Variants in OR2T6 observed in about 807,000 individuals in gnomAD.
OR2T6 encodes the protein olfactory receptor family 2 subfamily T member 6.
For synonymous variants in OR2T6, 174 were observed against 148.0 expected, an observed-to-expected ratio of 1.18 and a Z score of -1.27; for missense variants, 424 against 391.6, an observed-to-expected ratio of 1.08 and a Z score of -0.70.
chr1:248,391,089 T>G lies in OR2T6; in HGVS notation c.*2554T>G, dbSNP rs376886373. ...CACTTTGGAATACAGTTTGACAGTT[T>G]CTTACAATATTGAACATAATCTTAT... On this transcript the variant is annotated 3_prime_UTR_variant, in exon 3 of 3. Coordinates refer to ENST00000641644, the MANE Select transcript of OR2T6 (RefSeq NM_001005471.2). The G allele has an allele frequency of 2.0e-4, 31 of 152,322 alleles. No individual in the cohort carries two copies. In the East Asian group the frequency reaches 3.7e-3, roughly 18 times the overall value. The allele number at this position is 152,322 out of a possible 1,614,324, so 9.4% of individuals were successfully genotyped here.
At chr1:248,379,084 A>G (rs977718855) in intron 1 of OR2T6, among the ~76,000 whole-genome samples, 1 of 152,302 alleles carries the variant, frequency 6.6e-6, no homozygotes, top group African/African-American at 2.4e-5. Context: ...CTGAGGTAGG[A>G]CAATTGCTTG....
At chr1:248,379,859 T>TC (rs113348286) in intron 1 of OR2T6, among the ~76,000 whole-genome samples, 4 of 128,306 alleles carry the variant, frequency 3.1e-5, no homozygotes, top group Admixed American at 2.1e-4. Context: ...TGGTATTTTC[T>TC]TTTTTTTGAT....
At chr1:248,386,808 C>G (rs1483719545) in intron 2 of OR2T6, among the ~76,000 whole-genome samples, 1 of 152,210 alleles carries the variant, frequency 6.6e-6, no homozygotes, top group Non-Finnish European at 1.5e-5. Context: ...TAAATCTTCA[C>G]ATGAATTTTC....
At chr1:248,385,635 C>A (rs577920079) in intron 2 of OR2T6, among the ~76,000 whole-genome samples, 10 of 152,302 alleles carry the variant, frequency 6.6e-5, no homozygotes, top group African/African-American at 2.4e-4. Context: ...AATGCACAAG[C>A]CTGCAGCCCT....
At position 248,386,852 on chromosome 1, in the gene OR2T6, G is replaced by A. The variant is rs570500971; in HGVS notation, c.-4-753G>A. 4.3e-4 allele frequency among the ~76,000 whole-genome samples: 65 copies of A among 152,216 alleles called. 2 individuals carry two copies. In the South Asian group the frequency reaches 0.013, roughly 30 times the overall value. ...TTCATTGTCTGTGTTGAAGTTTTCC[G>A]CAAAGCCCTTATTTGCATTACCTGG... On this transcript the variant is annotated intron_variant, in intron 2 of 2. Coordinates refer to ENST00000641644, the MANE Select transcript of OR2T6 (RefSeq NM_001005471.2).
At chr1:248,378,101 T>A (rs1430433251) in intron 1 of OR2T6, among the ~76,000 whole-genome samples, 1 of 152,182 alleles carries the variant, frequency 6.6e-6, no homozygotes, top group Non-Finnish European at 1.5e-5. Context: ...TTTAATGTCT[T>A]CATATATTAT....
Position 248,381,533 on chromosome 1 carries a change from C to A in OR2T6, c.-158-3178C>A, listed in dbSNP as rs77474950. On this transcript the variant is annotated intron_variant, in intron 1 of 2. Transcript: ENST00000641644. ...TTCTGGTACTTCTTAATTTTACATT[C>A]TATTTAAATAGAATTTGTTTTGCAT... Among the ~76,000 whole-genome samples, 122 of 152,036 alleles carry A rather than the reference C, an allele frequency of 8.0e-4. 1 individual carries two copies. The highest frequency in any genetic ancestry group is 2.9e-3 in the African/African-American group (119 of 41,496).
rs1661240704 is a variant in OR2T6, at chr1:248,390,975, A to C, written c.*2440A>C. ...TAGTCATTATTTCAGCTATTCTTTG[A>C]AAAGATGATTGACTTTTATATTCAG... On this transcript the variant is annotated 3_prime_UTR_variant, in exon 3 of 3. Coordinates refer to ENST00000641644, the MANE Select transcript of OR2T6 (RefSeq NM_001005471.2). 2.0e-5 allele frequency: 3 copies of C among 152,204 alleles called. No homozygotes were observed. The highest frequency in any genetic ancestry group is 4.1e-4 in the South Asian group (2 of 4,830). The allele number at this position is 152,204 out of a possible 1,614,324, so 9.4% of individuals were successfully genotyped here.
chr1:248,388,861 A>C lies in OR2T6; in HGVS notation c.*326A>C, dbSNP rs1572872255. ...CCCCAAAATGTTGAGTTAATATTAC[A>C]TATTCTGCCCATTTTCAATGGCTCC... On this transcript the variant is annotated 3_prime_UTR_variant, in exon 3 of 3. Coordinates refer to ENST00000641644, the MANE Select transcript of OR2T6 (RefSeq NM_001005471.2). 1 of 306,798 alleles carries C rather than the reference A, an allele frequency of 3.3e-6. No individual in the cohort carries two copies. Among genetic ancestry groups the C allele is most frequent in the Non-Finnish European group, 6.0e-6 (1 of 167,202 alleles). 19.0% of individuals were successfully genotyped at this position (306,798 alleles called of 1,614,324 possible). A position where few individuals can be genotyped will look rare whatever the true frequency, so the allele number is the denominator to read the frequency against.
chr1:248,378,223 T>G (rs1209210052), intron 1 of OR2T6, among the ~76,000 whole-genome samples: 4 of 152,222 alleles, frequency 2.6e-5, no homozygotes, highest in Non-Finnish European at 5.9e-5. Context: ...GGTTTCAATT[T>G]GTACTTACAC....
In OR2T6 at chr1:248,388,801, A is replaced by T. The variant is rs574259531; in HGVS notation, c.*266A>T. On this transcript the variant is annotated 3_prime_UTR_variant, in exon 3 of 3. Coordinates refer to ENST00000641644, the MANE Select transcript of OR2T6 (RefSeq NM_001005471.2). ...CTACTGATTCCAAGTCTTCTCTCAT[A>T]TCACTTCTCTGATTGCAGTTTGTGT... 1 of 412,430 alleles carries T rather than the reference A, an allele frequency of 2.4e-6. No individual in the cohort carries two copies. Among genetic ancestry groups the T allele is most frequent in the South Asian group, 1.0e-4 (1 of 10,018 alleles). 25.5% of individuals were successfully genotyped at this position (412,430 alleles called of 1,614,324 possible). A position where few individuals can be genotyped will look rare whatever the true frequency, so the allele number is the denominator to read the frequency against.
intron 1 of OR2T6, among the ~76,000 whole-genome samples, chr1:248,384,247 C>T (rs78702062): frequency 0.027 from 1,067 of 38,870 alleles, 10 homozygotes; most frequent in Non-Finnish European, 0.049. Flanking sequence ...TCATCCTCTC[C>T]TGAAGTGTTT....
intron 1 of OR2T6, among the ~76,000 whole-genome samples, chr1:248,379,516 T>C (rs1660997383): frequency 6.6e-6 from 1 of 152,068 alleles, no homozygotes; most frequent in African/African-American, 2.4e-5. Flanking sequence ...ACCAAGAATC[T>C]TTGAAGGGGG....
At position 248,388,624 on chromosome 1, in the gene OR2T6, C is replaced by A; in HGVS notation, c.*89C>A. ...ATATATGGGGTCGTATCATGGATACCACGGATGATGCTGACAGGAACTTTC... is the reference window on the plus strand; with the variant it reads ...ATATATGGGGTCGTATCATGGATACAACGGATGATGCTGACAGGAACTTTC... On this transcript the variant is annotated 3_prime_UTR_variant, in exon 3 of 3. Coordinates refer to ENST00000641644, the MANE Select transcript of OR2T6 (RefSeq NM_001005471.2). 1.0e-6 allele frequency: 1 copy of A among 973,670 alleles called. No homozygotes were observed. The highest frequency in any genetic ancestry group is 2.3e-4 in the Middle Eastern group (1 of 4,436). 60.3% of individuals were successfully genotyped at this position (973,670 alleles called of 1,614,324 possible). A position where few individuals can be genotyped will look rare whatever the true frequency, so the allele number is the denominator to read the frequency against.
chr1:248,381,772 G>T (rs181021377), intron 1 of OR2T6, among the ~76,000 whole-genome samples: 10 of 151,712 alleles, frequency 6.6e-5, no homozygotes, highest in Admixed American at 5.2e-4. Flanking sequence ...TGAATTCAAC[G>T]TTTACTGTTA....
chr1:248,380,031 A>G (rs1661005057), intron 1 of OR2T6, among the ~76,000 whole-genome samples: 1 of 151,964 alleles, frequency 6.6e-6, no homozygotes, highest in African/African-American at 2.4e-5. Flanking sequence ...ATGTGTGTGT[A>G]TGCATTATAT....
In OR2T6 at chr1:248,388,024, G is replaced by T. The variant is rs376407108; in HGVS notation, c.416G>T (p.Arg139Leu). 3 of 1,613,478 alleles carry T rather than the reference G, an allele frequency of 1.9e-6. No homozygotes were observed. The highest frequency in any genetic ancestry group is 3.3e-4 in the Middle Eastern group (2 of 6,076). The change falls in exon 3 of 3, where the codon CGG (arginine) becomes CTG (leucine). Residue 139 changes from arginine (R) to leucine (L), a missense_variant. Coordinates refer to ENST00000641644, the MANE Select transcript of OR2T6 (RefSeq NM_001005471.2). ...CGCTATCCTGTCCTCATCAGCTGGCGGGTCTGCTGGATGATCCTGGCCAGC... is the reference window on the plus strand; with the variant it reads ...CGCTATCCTGTCCTCATCAGCTGGCTGGTCTGCTGGATGATCCTGGCCAGC... ...PLRYPVLISW[R>L]VCWMILASSW...
chr1:248,384,378 C>A (rs1661096498), intron 1 of OR2T6, among the ~76,000 whole-genome samples: 1 of 102,872 alleles, frequency 9.7e-6, no homozygotes, highest in South Asian at 3.8e-4. Flanking sequence ...TGTGCTCATC[C>A]TATCCTGGTG....
rs76240473 is a variant in OR2T6 at position 248,384,047 on chromosome 1, A to T, written c.-158-664A>T. Among the ~76,000 whole-genome samples the T allele has an allele frequency of 9.5e-3, 296 of 31,234 alleles. 4 individuals are homozygous for T. Among genetic ancestry groups the T allele is most frequent in the Admixed American group, 0.019 (57 of 3,048 alleles). 20.5% of individuals were successfully genotyped at this position (31,234 alleles called of 152,430 possible). A position where few individuals can be genotyped will look rare whatever the true frequency, so the allele number is the denominator to read the frequency against. On this transcript the variant is annotated intron_variant, in intron 1 of 2. Transcript: ENST00000641644. Reference sequence around the variant, plus strand: ...CCTGAGTGTGTTCATCCTATCCTGAAGTGTTTCCTAGTGTTATCATCATGG... The same window carrying T: ...CCTGAGTGTGTTCATCCTATCCTGATGTGTTTCCTAGTGTTATCATCATGG...
Sources: gnomAD v4.1 joint callset for allele counts (sites outside exome capture counted in the v4.1 genomes callset) on GRCh38, gnomAD v4.1.1 for gene constraint, MANE v1.5 for transcripts, NCBI Gene and HGNC (gene_info 2026-07-23, HGNC 2026-07-21) for gene names.